The following KCNJ5 variants were observed in gnomAD, a reference collection of about 807,000 sequenced individuals.
The protein encoded by KCNJ5 is G protein-activated inward rectifier potassium channel 4.
A neutral mutation model predicts 20.2 loss-of-function variants in KCNJ5; 12 were observed. That is an observed-to-expected ratio of 0.59 (90% confidence interval 0.38 to 0.96). The LOEUF (loss-of-function observed/expected upper bound fraction) is 0.96. Among genes scored for constraint, KCNJ5 ranks in the 40% least tolerant of loss-of-function variants. KCNJ5 has a pLI of 0.00. For synonymous variants in KCNJ5, 210 were observed against 213.9 expected (o/e 0.98, Z 0.16); for missense variants, 449 against 557.6 (o/e 0.81, Z 1.96).
chr11:128,914,850 A>G (rs1293481175), intron 2 of KCNJ5, among the ~76,000 whole-genome samples: 2 of 152,160 alleles, frequency 1.3e-5, no homozygotes, highest in Non-Finnish European at 2.9e-5. Context: ...TCCTGCCCAT[A>G]CCTTTCCCAA....
At position 128,904,556 on chromosome 11, in the gene KCNJ5, C is replaced by A. The variant is rs200735749; in HGVS notation, c.-10-6708C>A. 1.9e-5 allele frequency: 22 copies of A among 1,136,756 alleles called. No individual in the cohort carries two copies. The Admixed American group carries it at 2.4e-4, about 12-fold the overall frequency. 70.4% of individuals were successfully genotyped at this position (1,136,756 alleles called of 1,614,324 possible). A position where few individuals can be genotyped will look rare whatever the true frequency, so the allele number is the denominator to read the frequency against. On this transcript the variant is annotated intron_variant, in intron 1 of 2. Coordinates refer to ENST00000529694, the MANE Select transcript of KCNJ5 (RefSeq NM_000890.5). Reference sequence around the variant, plus strand: ...ACTCAGGTGTGCACTGAGGACCAGCCGCGTCAACATCACTGCGGCTTCTTA... The same window carrying A: ...ACTCAGGTGTGCACTGAGGACCAGCAGCGTCAACATCACTGCGGCTTCTTA...
At position 128,891,441 on chromosome 11, in the gene KCNJ5, C is replaced by CAGAAAGAGAGAG. The variant is rs1944085485; in HGVS notation, c.-288_-287insAAGAGAGAGAGA. On this transcript the variant is annotated 5_prime_UTR_variant, in exon 1 of 3. Transcript: ENST00000529694. The stretch of plus-strand genomic sequence containing the variant: ...ACACACACACACACACACACACACA[C>CAGAAAGAGAGAG]AGAGAGAGAGAGAGAGAGAGAGAGA... 1 of 54,924 alleles carries CAGAAAGAGAGAG rather than the reference C, an allele frequency of 1.8e-5. No homozygotes were observed. Among genetic ancestry groups the CAGAAAGAGAGAG allele is most frequent in the African/African-American group, 8.0e-5 (1 of 12,444 alleles). The allele number at this position is 54,924 out of a possible 1,614,324, so 3.4% of individuals were successfully genotyped here. A position where few individuals can be genotyped will look rare whatever the true frequency, so the allele number is the denominator to read the frequency against.
At chr11:128,909,472 G>A (rs1944468695) in intron 1 of KCNJ5, among the ~76,000 whole-genome samples, 1 of 152,244 alleles carries the variant, frequency 6.6e-6, no homozygotes, top group South Asian at 2.1e-4. Context: ...CCTCATGACA[G>A]ACAGCAAGAA....
At chr11:128,892,706 C>T (rs1944113678) in intron 1 of KCNJ5, among the ~76,000 whole-genome samples, 1 of 152,202 alleles carries the variant, frequency 6.6e-6, no homozygotes, top group Admixed American at 6.5e-5. Context: ...CTATATCTGA[C>T]TCCAAAATGT....
At chr11:128,893,567 C>G (rs573009174) in intron 1 of KCNJ5, among the ~76,000 whole-genome samples, 1 of 152,220 alleles carries the variant, frequency 6.6e-6, no homozygotes. Flanking sequence ...ACCAGCCACT[C>G]AGGCATGGCT....
intron 1 of KCNJ5, chr11:128,900,725 C>G (rs1327975954): frequency 6.6e-6 from 1 of 152,220 alleles, no homozygotes; most frequent in Non-Finnish European, 1.5e-5. Flanking sequence ...AATGAGTTAA[C>G]CCAAATTTGT....
intron 1 of KCNJ5, chr11:128,904,405 G>A (rs371739772): frequency 1.4e-5 from 22 of 1,612,974 alleles, no homozygotes; most frequent in Admixed American, 6.7e-5. Flanking sequence ...GACAGAGAAC[G>A]CATCAAGGGT....
chr11:128,900,226 A>T (rs1944252335), intron 1 of KCNJ5: 2 of 152,012 alleles, frequency 1.3e-5, no homozygotes, highest in Non-Finnish European at 2.9e-5. Context: ...CTCCCCAAGC[A>T]AAATGCCAGA....
chr11:128,892,979 G>C (rs1223170215), intron 1 of KCNJ5, among the ~76,000 whole-genome samples: 2 of 152,164 alleles, frequency 1.3e-5, no homozygotes, highest in Non-Finnish European at 2.9e-5. Context: ...TTAAATCCAG[G>C]GTCTTTCCAC....
chr11:128,908,987 T>C (rs1944464162), intron 1 of KCNJ5, among the ~76,000 whole-genome samples: 1 of 152,188 alleles, frequency 6.6e-6, no homozygotes, highest in Admixed American at 6.5e-5. Context: ...AGCATTTTCC[T>C]CCTTGTCTCA....
chr11:128,900,444 G>A (rs779494660), intron 1 of KCNJ5: 1 of 152,178 alleles, frequency 6.6e-6, no homozygotes, highest in African/African-American at 2.4e-5. Context: ...TAATGCATGA[G>A]GTTTTATTAC....
In KCNJ5 at chr11:128,916,616, GC is replaced by G; in HGVS notation, c.1151del (p.Pro384HisfsTer51). The G allele has an allele frequency of 6.2e-7, 1 of 1,613,992 alleles. No homozygotes were observed. The highest frequency in any genetic ancestry group is 2.2e-5 in the East Asian group (1 of 44,858). On this transcript the variant is annotated frameshift_variant, in exon 3 of 3. Transcript: ENST00000529694. LOFTEE classifies it low-confidence loss of function (END_TRUNC). ...GGCCGGCTCCTCCAGTACCTCCCCA[GC>G]CCCCCACTGCTGGGGGGCTGTGCTG... ...REGRLLQYLP[S>X]PPLLGGCAEA...
chr11:128,898,834 G>A (rs997608210), intron 1 of KCNJ5, among the ~76,000 whole-genome samples: 7 of 152,078 alleles, frequency 4.6e-5, no homozygotes, highest in South Asian at 2.1e-4. Context: ...TCACCACCAC[G>A]CCCAGCTCAT....
chr11:128,900,917 C>T (rs1310900343), intron 1 of KCNJ5: 1 of 152,220 alleles, frequency 6.6e-6, no homozygotes, highest in African/African-American at 2.4e-5. Context: ...CTGCTCTTAA[C>T]CTATACCAAT....
intron 1 of KCNJ5, among the ~76,000 whole-genome samples, chr11:128,905,160 G>A (rs988505788): frequency 6.6e-6 from 1 of 152,216 alleles, no homozygotes; most frequent in Non-Finnish European, 1.5e-5. Flanking sequence ...CAGGAAGAGA[G>A]ACCCGCTGGC....
At chr11:128,915,880 TGG>T (rs1944570322) in intron 2 of KCNJ5, among the ~76,000 whole-genome samples, 2 of 149,490 alleles carry the variant, frequency 1.3e-5, no homozygotes, top group African/African-American at 5.0e-5. Flanking sequence ...GATGGATGGA[TGG>T]ATGGGTGATA....
intron 1 of KCNJ5, chr11:128,903,318 T>A (rs1391912922): frequency 6.3e-7 from 1 of 1,597,586 alleles, no homozygotes; most frequent in African/African-American, 1.3e-5. Flanking sequence ...CCAAGAAGGA[T>A]GTAGAGTGTG....
chr11:128,900,097 T>C (rs992533651), intron 1 of KCNJ5: 1 of 152,314 alleles, frequency 6.6e-6, no homozygotes, highest in East Asian at 1.9e-4. Context: ...GGGCCTAATA[T>C]CTGCCCTTTA....
chr11:128,896,586 T>C (rs1364830197), intron 1 of KCNJ5, among the ~76,000 whole-genome samples: 2 of 151,092 alleles, frequency 1.3e-5, no homozygotes, highest in Non-Finnish European at 2.9e-5. Context: ...CATTTAGGAG[T>C]GTGCATGTGT....
Sources: gnomAD v4.1 joint callset for allele counts (sites outside exome capture counted in the v4.1 genomes callset) on GRCh38, gnomAD v4.1.1 for gene constraint, MANE v1.5 for transcripts, NCBI Gene and HGNC (gene_info 2026-07-23, HGNC 2026-07-21) for gene names.